Variants in TBC1D4 observed in about 807,000 individuals in gnomAD.
TBC1D4 encodes the protein TBC (Tre-2, BUB2, CDC16) domain-containing protein.
TBC1D4 carries 121 observed loss-of-function variants against 142.5 expected under a neutral mutation model. The ratio of observed to expected loss-of-function variants is 0.85; its 90% CI spans 0.73 to 0.99. The LOEUF (loss-of-function observed/expected upper bound fraction) is 0.99. Ranked by LOEUF, TBC1D4 falls within the 50% of genes least tolerant of loss-of-function variation. The probability of loss-of-function intolerance (pLI) is 0.00; values close to 1 mark genes in which losing one functional copy is unlikely to be tolerated. For missense variants in TBC1D4, 1,475 were observed against 1,606.6 expected, an observed-to-expected ratio of 0.92 and a Z score of 1.40; for synonymous variants, 630 against 628.2, an observed-to-expected ratio of 1.00 and a Z score of -0.04.
At chr13:75,446,235 A>C (rs914488557) in intron 1 of TBC1D4, among the ~76,000 whole-genome samples, 4 of 152,240 alleles carry the variant, frequency 2.6e-5, no homozygotes, top group Non-Finnish European at 5.9e-5. Context: ...ACTTTAAAAA[A>C]TTTAGGTAAA....
At chr13:75,395,042 A>T (rs1566456717) in intron 1 of TBC1D4, among the ~76,000 whole-genome samples, 2 of 152,352 alleles carry the variant, frequency 1.3e-5, no homozygotes, top group South Asian at 2.1e-4. Flanking sequence ...TAAGTACAGA[A>T]GTATGTTTGC....
chr13:75,356,520 A>G (rs1175692899), intron 3 of TBC1D4, among the ~76,000 whole-genome samples: 2 of 152,210 alleles, frequency 1.3e-5, no homozygotes, highest in African/African-American at 4.8e-5. Flanking sequence ...GGTATGATCC[A>G]CTGTGTCTTG....
At chr13:75,456,972 G>A (rs1887761871) in intron 1 of TBC1D4, among the ~76,000 whole-genome samples, 1 of 151,938 alleles carries the variant, frequency 6.6e-6, no homozygotes, top group South Asian at 2.1e-4. Context: ...TCTGCTGTAT[G>A]CAACACCAGG....
chr13:75,321,848 A>G (rs1878809145), intron 11 of TBC1D4, among the ~76,000 whole-genome samples: 1 of 152,252 alleles, frequency 6.6e-6, no homozygotes, highest in South Asian at 2.1e-4. Context: ...GGAATACTAA[A>G]TAGCAATAAA....
At chr13:75,376,242 A>C (rs1207007816) in intron 1 of TBC1D4, among the ~76,000 whole-genome samples, 1 of 152,348 alleles carries the variant, frequency 6.6e-6, no homozygotes, top group East Asian at 1.9e-4. Flanking sequence ...ACCTTCAAAG[A>C]CTGTCACAGG....
intron 1 of TBC1D4, among the ~76,000 whole-genome samples, chr13:75,401,952 C>G (rs763979075): frequency 5.9e-5 from 9 of 152,206 alleles, no homozygotes; most frequent in Non-Finnish European, 1.3e-4. Context: ...AACCTGTGGA[C>G]TTTTGCTGAA....
chr13:75,312,707 G>A (rs757194835), intron 13 of TBC1D4, 31 bp downstream of exon 13: 8 of 1,613,934 alleles, frequency 5.0e-6, no homozygotes, highest in Non-Finnish European at 4.2e-6. Flanking sequence ...ACACTCAGAG[G>A]GATAAATTCC....
chr13:75,324,544 A>AAACATG, intron 10 of TBC1D4, 143 bp from the exon 11 acceptor site: 1 of 969,824 alleles, frequency 1.0e-6, no homozygotes. Context: ...ACATGAAAAA[A>AAACATG]AAAGAAGAAG....
At chr13:75,439,402 T>C (rs79606026) in intron 1 of TBC1D4, among the ~76,000 whole-genome samples, 18,584 of 152,204 alleles carry the variant, frequency 0.12, 1,447 homozygotes, top group East Asian at 0.3. Flanking sequence ...TCTTTTAAAC[T>C]TGTGTTCTTT....
rs115600951 is a variant in TBC1D4 at position 75,362,198 on chromosome 13, T to G, written c.908A>C (p.Asp303Ala). Residue 303 changes from aspartate to alanine, a missense_variant, in exon 2 of 21, where the codon GAT (aspartate) becomes GCT (alanine). Coordinates refer to ENST00000377636, the MANE Select transcript of TBC1D4 (RefSeq NM_014832.5). This position sits in a 1 kb window ranked among gnomAD's most constrained non-coding sequence, Gnocchi z 4.2. ...CTCCTGCTGCTCATCAAAGCCAGAA[T>G]CTTCCAAAATCCGCTCAGGGAAGCA... ...RVCFPERILEDSGFDEQQEFR... is the reference protein window; with the variant it reads ...RVCFPERILEASGFDEQQEFR... The G allele has an allele frequency of 5.0e-4, 811 of 1,613,608 alleles. 6 individuals carry two copies. In the African/African-American group the frequency reaches 9.9e-3, roughly 20 times the overall value.
chr13:75,435,531 C>A (rs531325067), intron 1 of TBC1D4, among the ~76,000 whole-genome samples: 1 of 152,198 alleles, frequency 6.6e-6, no homozygotes, highest in Non-Finnish European at 1.5e-5. Context: ...AAGCAACAAT[C>A]TTTAACACAA....
intron 5 of TBC1D4, among the ~76,000 whole-genome samples, chr13:75,342,610 T>C (rs1421505509): frequency 1.3e-5 from 2 of 152,186 alleles, no homozygotes; most frequent in Non-Finnish European, 2.9e-5. Flanking sequence ...TATTAAGTCC[T>C]TGGGAAAATC....
chr13:75,425,946 G>A (rs1339696374), intron 1 of TBC1D4, among the ~76,000 whole-genome samples: 1 of 152,138 alleles, frequency 6.6e-6, no homozygotes, highest in Non-Finnish European at 1.5e-5. Context: ...AAGTCTTTGA[G>A]AGAGTAGATT....
chr13:75,412,594 C>A (rs1375643231), intron 1 of TBC1D4, among the ~76,000 whole-genome samples: 3 of 152,146 alleles, frequency 2.0e-5, no homozygotes, highest in South Asian at 2.1e-4. Context: ...TGTGAGCCAC[C>A]ATGCCCAGCT....
chr13:75,481,286 G>A lies in TBC1D4; in HGVS notation c.482C>T (p.Ala161Val). The change falls in exon 1 of 21, where the codon GCC becomes GTC. Residue 161 changes from alanine (A) to valine (V), a missense_variant. By Grantham distance (64) the Ala-to-Val change is moderately conservative (BLOSUM62 0). Coordinates refer to ENST00000377636, the MANE Select transcript of TBC1D4 (RefSeq NM_014832.5). The part of the protein sequence containing the change: ...ESQMACHVFR[A>V]TDPSQVPDVI... The stretch of plus-strand genomic sequence containing the variant: ...CTGTCTTGCCTGGCTGGGGTCTGTG[G>A]CGCGGAAAACGTGGCAGGCCATCTG... 3.1e-6 allele frequency: 5 copies of A among 1,613,818 alleles called. No individual in the cohort carries two copies. Among genetic ancestry groups the A allele is most frequent in the Non-Finnish European group, 4.2e-6 (5 of 1,179,772 alleles).
chr13:75,400,849 CCATATAG>C (rs1191916064), intron 1 of TBC1D4, among the ~76,000 whole-genome samples: 2 of 152,034 alleles, frequency 1.3e-5, no homozygotes, highest in African/African-American at 4.8e-5. Context: ...AAGCTTTCCC[CCATATAG>C]CATCGATCAG....
chr13:75,435,260 C>T (rs944725197), intron 1 of TBC1D4, among the ~76,000 whole-genome samples: 1 of 150,496 alleles, frequency 6.6e-6, no homozygotes, highest in Non-Finnish European at 1.5e-5. Flanking sequence ...TCCCAGGAAT[C>T]GCTTGAACAG....
chr13:75,389,403 A>G (rs909523230), intron 1 of TBC1D4, among the ~76,000 whole-genome samples: 4 of 152,202 alleles, frequency 2.6e-5, no homozygotes, highest in Non-Finnish European at 5.9e-5. Flanking sequence ...CCACAACCAC[A>G]TCTTTTTTCT....
chr13:75,314,812 CA>C (rs71201174), intron 12 of TBC1D4, among the ~76,000 whole-genome samples: 51,639 of 120,094 alleles, frequency 0.43, 10,686 homozygotes, highest in South Asian at 0.67. Context: ...ACTAAAAATA[CA>C]AAAAAAAAAA....
Sources: allele counts gnomAD v4.1 joint callset (sites outside exome capture counted in the v4.1 genomes callset), GRCh38; gene constraint gnomAD v4.1.1; non-coding constraint Gnocchi (gnomAD v3.1); transcripts MANE v1.5; gene names NCBI Gene and HGNC (gene_info 2026-07-23, HGNC 2026-07-21).